Variants in SCARA3 observed in about 807,000 individuals in gnomAD.
The protein encoded by SCARA3 is scavenger receptor class A member 3, also known as cellular stress response gene protein.
SCARA3 carries 39 observed loss-of-function variants against 47.0 expected under a neutral mutation model. That is an observed-to-expected ratio of 0.83 (90% CI 0.64 to 1.08). The LOEUF is 1.08. Ranked by LOEUF, SCARA3 falls within the 50% of genes least tolerant of loss-of-function variation. The pLI, the probability that SCARA3 is intolerant of heterozygous loss-of-function variation, is 0.00. For missense variants in SCARA3, 724 were observed against 792.3 expected (o/e 0.91, Z 1.04); for synonymous variants, 356 against 334.1 (o/e 1.07, Z -0.71).
the SCARA3 span, among the ~76,000 whole-genome samples, chr8:27,709,598 T>C: frequency 6.6e-6 from 1 of 152,180 alleles, no homozygotes; most frequent in Non-Finnish European, 1.5e-5. Flanking sequence ...ATTCAACTGC[T>C]CACCCTCAAA....
the SCARA3 span, among the ~76,000 whole-genome samples, chr8:27,690,528 T>C: frequency 4.6e-5 from 7 of 152,214 alleles, no homozygotes; most frequent in Admixed American, 6.5e-5. Flanking sequence ...ACCTAAATTA[T>C]GATACATTTC....
At chr8:27,639,374 G>C (rs951221974) in intron 1 of SCARA3, among the ~76,000 whole-genome samples, 2 of 152,212 alleles carry the variant, frequency 1.3e-5, no homozygotes, top group Non-Finnish European at 1.5e-5. Context: ...AATCCCGGGA[G>C]AGAAAGGGAG....
intron 5 of SCARA3, among the ~76,000 whole-genome samples, chr8:27,664,364 C>T (rs954341885): frequency 4.6e-5 from 7 of 152,202 alleles, no homozygotes; most frequent in African/African-American, 1.7e-4. Flanking sequence ...CTCACGACAA[C>T]CCTTGCATGG....
rs2128923995 is a variant in SCARA3 at position 27,671,137 on chromosome 8, A to T, written c.1607A>T (p.Gln536Leu). ...TTTGGAACTGGAGGGCCGAGAGGAC[A>T]GCCAGGCCCAAAAGGGGACATAGGG... ...GSFGTGGPRG[Q>L]PGPKGDIGPP... Residue 536 changes from glutamine to leucine, a missense_variant, in exon 6 of 6, where the codon CAG (glutamine) becomes CTG (leucine). Coordinates refer to ENST00000301904, the MANE Select transcript of SCARA3 (RefSeq NM_016240.3). 1 of 1,568,858 alleles carries T rather than the reference A, an allele frequency of 6.4e-7. No homozygotes were observed. Among genetic ancestry groups the T allele is most frequent in the African/African-American group, 1.4e-5 (1 of 73,674 alleles).
At chr8:27,725,974 G>A in the SCARA3 span, among the ~76,000 whole-genome samples, 1 of 152,212 alleles carries the variant, frequency 6.6e-6, no homozygotes, top group Non-Finnish European at 1.5e-5. Flanking sequence ...GCAGCAGGTA[G>A]AAGTCACTGT....
At position 27,659,131 on chromosome 8, in the gene SCARA3, C is replaced by T. The variant is rs777234557; in HGVS notation, c.961C>T (p.His321Tyr). ...LDNISSFLDD[H>Y]EENMHDLQYH... ...TAACATCTCGTCCTTCCTGGATGAC[C>T]ACGAAGAGAACATGCATGATCTTCA... Residue 321 changes from histidine to tyrosine, a missense_variant, in exon 5 of 6, where the codon CAC (histidine) becomes TAC (tyrosine). Physicochemically the swap from His to Tyr is moderately conservative, Grantham distance 83 (BLOSUM62 2). Transcript: ENST00000301904. The T allele has an allele frequency of 4.3e-6, 7 of 1,614,080 alleles. No individual in the cohort carries two copies. In the East Asian group the frequency reaches 8.9e-5, roughly 21 times the overall value.
At chr8:27,698,522 A>G in the SCARA3 span, among the ~76,000 whole-genome samples, 4 of 152,338 alleles carry the variant, frequency 2.6e-5, no homozygotes, top group East Asian at 1.9e-4. Context: ...GTCCTCCCCA[A>G]CGAAATAAGA....
At chr8:27,653,478 C>A (rs530690883) in intron 3 of SCARA3, among the ~76,000 whole-genome samples, 2 of 152,232 alleles carry the variant, frequency 1.3e-5, no homozygotes, top group East Asian at 3.9e-4. Context: ...GCTTGGGTAT[C>A]CCAAGTCCCT....
chr8:27,727,602 G>A, the SCARA3 span, among the ~76,000 whole-genome samples: 1 of 152,196 alleles, frequency 6.6e-6, no homozygotes, highest in Admixed American at 6.5e-5. Flanking sequence ...ACTGGGCTCC[G>A]AGCCAGAGCT....
intron 1 of SCARA3, among the ~76,000 whole-genome samples, chr8:27,634,591 C>A (rs534310630): frequency 1.3e-5 from 2 of 152,242 alleles, no homozygotes; most frequent in Non-Finnish European, 2.9e-5. Flanking sequence ...GAGGCCCCTG[C>A]ATCCCCCACC....
chr8:27,633,494 T>C (rs573183637), upstream of SCARA3, among the ~76,000 whole-genome samples: 2 of 152,208 alleles, frequency 1.3e-5, no homozygotes, highest in East Asian at 3.9e-4. Flanking sequence ...CATCATAAGA[T>C]GGGCGAGAAA....
chr8:27,651,484 T>G (rs773196658), intron 2 of SCARA3, 24 bp from the exon 3 acceptor site: 30 of 1,608,094 alleles, frequency 1.9e-5, no homozygotes, highest in Non-Finnish European at 2.5e-5. Flanking sequence ...GCCTAAGCCA[T>G]TGTCCTCCTT....
At chr8:27,727,018 C>A in the SCARA3 span, among the ~76,000 whole-genome samples, 1 of 152,066 alleles carries the variant, frequency 6.6e-6, no homozygotes, top group African/African-American at 2.4e-5. Flanking sequence ...CAGTTATCTG[C>A]CCCCACCTCG....
intron 5 of SCARA3, among the ~76,000 whole-genome samples, chr8:27,668,322 T>G (rs949304706): frequency 6.8e-6 from 1 of 147,126 alleles, no homozygotes; most frequent in South Asian, 2.2e-4. Flanking sequence ...GGGTGGATCA[T>G]GAGGTCAGGA....
the SCARA3 span, among the ~76,000 whole-genome samples, chr8:27,713,870 C>T: frequency 6.6e-6 from 1 of 152,132 alleles, no homozygotes; most frequent in South Asian, 2.1e-4. Flanking sequence ...GAATTTTAAG[C>T]CCCATTGCTG....
chr8:27,691,253 T>G, the SCARA3 span, among the ~76,000 whole-genome samples: 2 of 152,130 alleles, frequency 1.3e-5, no homozygotes, highest in African/African-American at 4.8e-5. Flanking sequence ...TAGGAATTCA[T>G]CAGTCCTCAT....
rs1169587674 is a variant in SCARA3, at chr8:27,671,552, A to G, written c.*201A>G. 1 of 1,281,614 alleles carries G rather than the reference A, an allele frequency of 7.8e-7. No homozygotes were observed. The highest frequency in any genetic ancestry group is 9.8e-7 in the Non-Finnish European group (1 of 1,019,236). 79.4% of individuals were successfully genotyped at this position (1,281,614 alleles called of 1,614,324 possible). A position where few individuals can be genotyped will look rare whatever the true frequency, so the allele number is the denominator to read the frequency against. On this transcript the variant is annotated 3_prime_UTR_variant, in exon 6 of 6. Coordinates refer to ENST00000301904, the MANE Select transcript of SCARA3 (RefSeq NM_016240.3). ...AGCCCCTCCTCACACATACATGTGC[A>G]CATGCACACACATGCATGCACACAC...
rs760448971 is a variant in SCARA3 at position 27,658,839 on chromosome 8, C to G, written c.669C>G (p.Ile223Met). The G allele has an allele frequency of 1.9e-6, 3 of 1,614,186 alleles. No individual in the cohort carries two copies. In the South Asian group the frequency reaches 3.3e-5, roughly 18 times the overall value. Residue 223 changes from isoleucine (I) to methionine (M), a missense_variant, in exon 5 of 6, where the codon ATC (isoleucine) becomes ATG (methionine). By Grantham distance (10) the Ile-to-Met change is conservative. Transcript: ENST00000301904. ...ATGTCAAGGCTGCAGTGCACCAGATCAACTTCACCGTGGGGCAGACTTCCG... is the reference window on the plus strand; with the variant it reads ...ATGTCAAGGCTGCAGTGCACCAGATGAACTTCACCGTGGGGCAGACTTCCG... ...CYDVKAAVHQINFTVGQTSEW... is the reference protein window; with the variant it reads ...CYDVKAAVHQMNFTVGQTSEW...
chr8:27,715,582 AGATAGAT>A, the SCARA3 span, among the ~76,000 whole-genome samples: 13,644 of 49,358 alleles, frequency 0.28, 661 homozygotes, highest in Middle Eastern at 0.4. This position sits in a 1 kb window ranked among gnomAD's most constrained non-coding sequence, Gnocchi z 4.2. Context: ...CTTCGCACCT[AGATAGAT>A]GATAGATAGA....
Sources: allele counts gnomAD v4.1 joint callset (sites outside exome capture counted in the v4.1 genomes callset), GRCh38; gene constraint gnomAD v4.1.1; non-coding constraint Gnocchi (gnomAD v3.1); transcripts MANE v1.5; gene names NCBI Gene and HGNC (gene_info 2026-07-23, HGNC 2026-07-21).